FDXR: variants seen among roughly 807,000 people sequenced by gnomAD.
FDXR encodes NADPH:adrenodoxin oxidoreductase, mitochondrial.
A neutral mutation model predicts 58.3 loss-of-function variants in FDXR; 38 were observed. That is an observed-to-expected ratio of 0.65 (90% CI 0.50 to 0.85). FDXR has a LOEUF of 0.85. Ranked by LOEUF, FDXR falls within the 40% of genes least tolerant of loss-of-function variation. The pLI is 0.00. For missense variants in FDXR, 624 were observed against 671.0 expected, an observed-to-expected ratio of 0.93 and a Z score of 0.77; for synonymous variants, 275 against 273.8, an observed-to-expected ratio of 1.00 and a Z score of -0.04.
chr17:74,872,957 C>A lies in FDXR; in HGVS notation c.-13G>T, dbSNP rs775007868. 2.6e-6 allele frequency: 4 copies of A among 1,550,308 alleles called. 1 individual carries two copies. The South Asian group carries it at 4.8e-5, about 18-fold the overall frequency. ...AGCGCGAAGCCATGGCTGGGAGCAG[C>A]AACCTGCAAGTGGATCTGTTCCTAG... On this transcript the variant is annotated 5_prime_UTR_variant, in exon 1 of 12. Transcript: ENST00000293195.
chr17:74,863,961 C>A lies in FDXR; in HGVS notation c.1109G>T (p.Ser370Ile), dbSNP rs1280615549. 6.2e-7 allele frequency: 1 copy of A among 1,613,998 alleles called. No homozygotes were observed. Among genetic ancestry groups the A allele is most frequent in the African/African-American group, 1.3e-5 (1 of 74,928 alleles). The change falls in exon 10 of 12, where the codon AGC becomes ATC. Residue 370 changes from serine to isoleucine, a missense_variant. Transcript: ENST00000293195. Reference protein sequence around the residue: ...IGYKSRPVDPSVPFDSKLGVI... With the variant: ...IGYKSRPVDPIVPFDSKLGVI... ...CCCAAGCTTGGAGTCAAAGGGCACG[C>A]TTGGGTCGACAGGGCGGCTCTTATA...
rs751496458 is a variant in FDXR at position 74,866,235 on chromosome 17, C to T, written c.403G>A (p.Ala135Thr). Reference sequence around the variant, plus strand: ...ATTTCCAGGGCCCGATGGTCCTCTGCCCCGTAGCTCTGATGAAAGATGGCA... The same window carrying T: ...ATTTCCAGGGCCCGATGGTCCTCTGTCCCGTAGCTCTGATGAAAGATGGCA... The part of the protein sequence containing the change: ...AYHAVVLSYG[A>T]EDHRALEIPG... Residue 135 changes from alanine to threonine, a missense_variant, in exon 5 of 12, where the codon GCA becomes ACA. Transcript: ENST00000293195. 4.3e-6 allele frequency: 7 copies of T among 1,613,232 alleles called. No individual in the cohort carries two copies. The African/African-American group carries it at 9.3e-5, about 22-fold the overall frequency.
rs567129257 is a variant in FDXR at position 74,869,210 on chromosome 17, C to T, written c.178-2334G>A. ...CCGAAAACTCTCCAGTGAAGCCAACCATCTACAGCTGTGGGCACAAGAATC... is the reference window on the plus strand; with the variant it reads ...CCGAAAACTCTCCAGTGAAGCCAACTATCTACAGCTGTGGGCACAAGAATC... On this transcript the variant is annotated intron_variant, in intron 2 of 11. Coordinates refer to ENST00000293195, the MANE Select transcript of FDXR (RefSeq NM_024417.5). Among the ~76,000 whole-genome samples the T allele has an allele frequency of 2.6e-5, 4 of 152,326 alleles. No homozygotes were observed. In the South Asian group the frequency reaches 8.3e-4, roughly 32 times the overall value.
intron 1 of FDXR, chr17:74,872,347 C>T: frequency 7.2e-7 from 1 of 1,380,008 alleles, no homozygotes; most frequent in South Asian, 1.3e-5. Context: ...CACATCTCAC[C>T]CATGAACCTA....
At chr17:74,867,042 C>T (rs933867378) in intron 2 of FDXR, 166 bp from the exon 3 acceptor site, 2 of 1,433,940 alleles carry the variant, frequency 1.4e-6, no homozygotes, top group South Asian at 1.5e-5. Context: ...TTGGGTGGCT[C>T]GCGCCTGTCA....
In FDXR at chr17:74,872,880, G is replaced by A. The variant is rs760392894; in HGVS notation, c.65C>T (p.Ala22Val). ...CCTGCTCCTACTCGGGGTGCTCCCG[G>A]CGGGAGGCAGCCGGGTCCGAGGCCA... ...SAWPRTRLPP[A>V]GSTPSFCHHF... Residue 22 changes from alanine to valine, a missense_variant, in exon 1 of 12, where the codon GCC becomes GTC. Transcript: ENST00000293195. The A allele has an allele frequency of 9.0e-6, 14 of 1,548,930 alleles. No individual in the cohort carries two copies. The Admixed American group carries it at 1.2e-4, about 13-fold the overall frequency.
At chr17:74,863,324 C>G in intron 10 of FDXR, 78 bp from the exon 11 acceptor site, 2 of 1,392,794 alleles carry the variant, frequency 1.4e-6, no homozygotes, top group Non-Finnish European at 2.0e-6. Context: ...ACAATCTACA[C>G]CCACGTGCAC....
At chr17:74,872,804 CT>C in intron 1 of FDXR, 61 bp downstream of exon 1, 2 of 1,540,660 alleles carry the variant, frequency 1.3e-6, no homozygotes, top group Non-Finnish European at 1.7e-6. Flanking sequence ...GCTCCGACCC[CT>C]ACTCAGCGCT....
Position 74,862,596 on chromosome 17 carries a change from C to T in FDXR, c.*221G>A, listed in dbSNP as rs2038000337. The T allele has an allele frequency of 5.2e-6, 3 of 580,066 alleles. No individual in the cohort carries two copies. Among genetic ancestry groups the T allele is most frequent in the South Asian group, 5.1e-5 (2 of 39,596 alleles). The allele number at this position is 580,066 out of a possible 1,614,324, so 35.9% of individuals were successfully genotyped here. A position where few individuals can be genotyped will look rare whatever the true frequency, so the allele number is the denominator to read the frequency against. Reference sequence around the variant, plus strand: ...GGTAAGGGGTTAGATCGGCCCACACCTCCACCTGTCCCTAAGGTTACCTCA... The same window carrying T: ...GGTAAGGGGTTAGATCGGCCCACACTTCCACCTGTCCCTAAGGTTACCTCA... On this transcript the variant is annotated 3_prime_UTR_variant, in exon 12 of 12. Transcript: ENST00000293195.
chr17:74,871,562 G>A (rs538140968), intron 2 of FDXR, among the ~76,000 whole-genome samples: 1 of 152,212 alleles, frequency 6.6e-6, no homozygotes, highest in Non-Finnish European at 1.5e-5. Context: ...GAAGGGGGAG[G>A]GGCAGAGGGC....
Position 74,864,561 on chromosome 17 carries a change from G to C in FDXR, c.721C>G (p.Leu241Val). Residue 241 changes from leucine (L) to valine (V), a missense_variant, in exon 8 of 12, where the codon CTT becomes GTT. Leu to Val is a conservative substitution (Grantham distance 32). Coordinates refer to ENST00000293195, the MANE Select transcript of FDXR (RefSeq NM_024417.5). ...PLQVAFTIKE[L>V]REMIQLPGAR... ...CCCGGTAACTGAATCATCTCCCGAA[G>C]CTCCTTGAAGGTGGGAGCAGGGAAT... 6.2e-7 allele frequency: 1 copy of C among 1,613,834 alleles called. No homozygotes were observed. The highest frequency in any genetic ancestry group is 8.5e-7 in the Non-Finnish European group (1 of 1,179,806).
chr17:74,865,685 C>T (rs1489128254), intron 6 of FDXR, 34 bp downstream of exon 6: 22 of 1,499,856 alleles, frequency 1.5e-5, no homozygotes, highest in Non-Finnish European at 2.0e-5. Context: ...GGTGACCCCA[C>T]CTCCAACCCC....
intron 11 of FDXR, 26 bp downstream of exon 11, chr17:74,863,050 C>CA: frequency 6.2e-7 from 1 of 1,607,066 alleles, no homozygotes; most frequent in South Asian, 1.1e-5. Flanking sequence ...CCCCACCTCC[C>CA]AGGACCTCAG....
At position 74,863,976 on chromosome 17, in the gene FDXR, C is replaced by T. The variant is rs202218782; in HGVS notation, c.1094G>A (p.Arg365His). ...LVLSSIGYKSRPVDPSVPFDS... is the reference protein window; with the variant it reads ...LVLSSIGYKSHPVDPSVPFDS... ...AAAGGGCACGCTTGGGTCGACAGGG[C>T]GGCTCTTATACCCAATGCTGCTGAG... Residue 365 changes from arginine to histidine, a missense_variant, in exon 10 of 12, where the codon CGC becomes CAC. Coordinates refer to ENST00000293195, the MANE Select transcript of FDXR (RefSeq NM_024417.5). 26 of 1,613,966 alleles carry T rather than the reference C, an allele frequency of 1.6e-5. No homozygotes were observed. Among genetic ancestry groups the T allele is most frequent in the African/African-American group, 8.0e-5 (6 of 74,922 alleles).
intron 1 of FDXR, chr17:74,872,476 C>T (rs568956988): frequency 1.4e-5 from 9 of 631,216 alleles, no homozygotes; most frequent in African/African-American, 1.3e-4. Flanking sequence ...GGTCTCCCCA[C>T]GGTGTCCCTC....
At position 74,865,616 on chromosome 17, in the gene FDXR, T is replaced by G. The variant is rs139846558; in HGVS notation, c.609+103A>C. ...GGGCACCACGGGGAAACAGAGGCAC[T>G]GAGCCCAGCTTGGAGAGGTAAGGCC... On this transcript the variant is annotated intron_variant, in intron 6 of 11. Coordinates refer to ENST00000293195, the MANE Select transcript of FDXR (RefSeq NM_024417.5). 6.7e-6 allele frequency: 5 copies of G among 749,400 alleles called. No individual in the cohort carries two copies. In the East Asian group the frequency reaches 1.1e-4, roughly 16 times the overall value. The allele number at this position is 749,400 out of a possible 1,614,324, so 46.4% of individuals were successfully genotyped here.
At chr17:74,866,070 C>A in intron 5 of FDXR, 61 bp downstream of exon 5, 2 of 1,287,706 alleles carry the variant, frequency 1.6e-6, no homozygotes, top group Admixed American at 1.8e-5. Flanking sequence ...TCCCCCAGGT[C>A]TGGCATCCAA....
At position 74,868,750 on chromosome 17, in the gene FDXR, C is replaced by T. The variant is rs1213319012; in HGVS notation, c.178-1874G>A. 5 of 1,489,332 alleles carry T rather than the reference C, an allele frequency of 3.4e-6. No individual in the cohort carries two copies. In the Admixed American group the frequency reaches 1.0e-4, roughly 31 times the overall value. 92.3% of individuals were successfully genotyped at this position (1,489,332 alleles called of 1,614,324 possible). On this transcript the variant is annotated intron_variant, in intron 2 of 11. Coordinates refer to ENST00000293195, the MANE Select transcript of FDXR (RefSeq NM_024417.5). Reference sequence around the variant, plus strand: ...GCTGCTCCCCGCTAACAAGGACATTCTCTGAGGTTCTTCCGATTGGCCCCC... The same window carrying T: ...GCTGCTCCCCGCTAACAAGGACATTTTCTGAGGTTCTTCCGATTGGCCCCC...
At chr17:74,865,968 T>C (rs1249207735) in intron 5 of FDXR, 148 bp from the exon 6 acceptor site, 2 of 851,910 alleles carry the variant, frequency 2.3e-6, no homozygotes, top group Non-Finnish European at 3.7e-6. Context: ...CTCCCCCACC[T>C]GGACCCAGCT....
Sources: gnomAD v4.1 joint callset for allele counts (sites outside exome capture counted in the v4.1 genomes callset) on GRCh38, gnomAD v4.1.1 for gene constraint, MANE v1.5 for transcripts, NCBI Gene and HGNC (gene_info 2026-07-23, HGNC 2026-07-21) for gene names.